DCC: variants seen among roughly 807,000 people sequenced by gnomAD.
DCC encodes netrin receptor DCC.
A neutral mutation model predicts 172.5 loss-of-function variants in DCC; 58 were observed. The ratio of observed to expected loss-of-function variants is 0.34; its 90% CI spans 0.27 to 0.42. The LOEUF is 0.42. Ranked by LOEUF, DCC falls within the 10% of genes least tolerant of loss-of-function variation. The pLI, the probability that DCC is intolerant of heterozygous loss-of-function variation, is 1.00. For missense variants in DCC, 1,740 were observed against 1,791.0 expected, an observed-to-expected ratio of 0.97 and a Z score of 0.51; for synonymous variants, 709 against 644.5, an observed-to-expected ratio of 1.10 and a Z score of -1.52.
chr18:52,911,118 G>A (rs2039965335), intron 3 of DCC, among the ~76,000 whole-genome samples: 1 of 152,016 alleles, frequency 6.6e-6, no homozygotes, highest in South Asian at 2.1e-4. Context: ...ATAGAATGTA[G>A]TTACATTATA....
At chr18:53,135,774 A>G (rs1477412939) in intron 7 of DCC, among the ~76,000 whole-genome samples, 1 of 152,164 alleles carries the variant, frequency 6.6e-6, no homozygotes, top group East Asian at 1.9e-4. Flanking sequence ...TTCCTAAGGG[A>G]ACATTTGAGA....
At chr18:53,091,299 GA>G (rs77140435) in intron 7 of DCC, among the ~76,000 whole-genome samples, 14,199 of 148,780 alleles carry the variant, frequency 0.095, 1,093 homozygotes, top group East Asian at 0.36. Context: ...AACATGAAAA[GA>G]AATATTTACT....
At chr18:53,090,481 C>G (rs1187811711) in intron 7 of DCC, among the ~76,000 whole-genome samples, 1 of 151,410 alleles carries the variant, frequency 6.6e-6, no homozygotes, top group East Asian at 2.0e-4. Flanking sequence ...ATCACGAGGT[C>G]AGGAGATTGA....
chr18:52,983,352 T>C (rs1236417464), intron 5 of DCC, among the ~76,000 whole-genome samples: 1 of 152,186 alleles, frequency 6.6e-6, no homozygotes, highest in Non-Finnish European at 1.5e-5. Context: ...AACATGCTAA[T>C]ATAAAAATCC....
intron 1 of DCC, among the ~76,000 whole-genome samples, chr18:52,390,326 T>C (rs1324417815): frequency 2.0e-5 from 3 of 152,044 alleles, no homozygotes; most frequent in African/African-American, 4.8e-5. Context: ...ATCCACAACC[T>C]TCTCATGCTG....
chr18:53,311,001 C>G (rs1218350107), intron 13 of DCC, among the ~76,000 whole-genome samples: 1 of 151,928 alleles, frequency 6.6e-6, no homozygotes, highest in Non-Finnish European at 1.5e-5. Flanking sequence ...GACACACACA[C>G]ACACACACAC....
At chr18:52,823,263 G>A (rs932435714) in intron 2 of DCC, among the ~76,000 whole-genome samples, 1 of 152,204 alleles carries the variant, frequency 6.6e-6, no homozygotes, top group East Asian at 1.9e-4. Flanking sequence ...GAGGCCAGGA[G>A]TTTGAGACCA....
At chr18:52,842,004 G>T (rs1026709884) in intron 2 of DCC, among the ~76,000 whole-genome samples, 10 of 25,946 alleles carry the variant, frequency 3.9e-4, no homozygotes, top group Non-Finnish European at 6.9e-4. Context: ...CAATTTTTGC[G>T]CATATATATA....
intron 1 of DCC, among the ~76,000 whole-genome samples, chr18:52,461,496 T>C (rs1408340009): frequency 1.3e-5 from 2 of 152,066 alleles, no homozygotes; most frequent in Admixed American, 1.3e-4. Context: ...TTATATACTC[T>C]ACATAATTGT....
chr18:52,595,125 C>T (rs943535937), intron 1 of DCC, among the ~76,000 whole-genome samples: 1 of 152,120 alleles, frequency 6.6e-6, no homozygotes, highest in Non-Finnish European at 1.5e-5. Context: ...TTGTACATCA[C>T]AAAAAAGTTA....
At chr18:52,719,834 G>T (rs557365041) in intron 1 of DCC, among the ~76,000 whole-genome samples, 5 of 152,158 alleles carry the variant, frequency 3.3e-5, no homozygotes, top group Non-Finnish European at 7.3e-5. Context: ...CAAGGGGCGG[G>T]ATGGAGGTCG....
chr18:53,442,469 G>A (rs1295867991), intron 22 of DCC, among the ~76,000 whole-genome samples: 8 of 152,136 alleles, frequency 5.3e-5, no homozygotes, highest in Admixed American at 2.0e-4. Context: ...ATAAACTGTT[G>A]TGTGTTCCAG....
At chr18:52,995,602 C>G (rs899961099) in intron 5 of DCC, among the ~76,000 whole-genome samples, 7 of 151,928 alleles carry the variant, frequency 4.6e-5, no homozygotes, top group Admixed American at 3.9e-4. Context: ...CAGAAGAAGA[C>G]CTAGGTGAAC....
intron 2 of DCC, among the ~76,000 whole-genome samples, chr18:52,819,635 T>A (rs2038367719): frequency 1.3e-5 from 2 of 152,172 alleles, no homozygotes; most frequent in African/African-American, 2.4e-5. Context: ...CAGACGTCAG[T>A]TGTTAGTGAG....
intron 13 of DCC, among the ~76,000 whole-genome samples, chr18:53,318,081 G>A (rs948866744): frequency 3.9e-5 from 6 of 152,008 alleles, no homozygotes; most frequent in East Asian, 1.9e-4. Flanking sequence ...TTAGGGTGTC[G>A]ATTTGAGATC....
At chr18:53,031,277 A>T (rs2042022290) in intron 5 of DCC, among the ~76,000 whole-genome samples, 1 of 152,158 alleles carries the variant, frequency 6.6e-6, no homozygotes, top group Non-Finnish European at 1.5e-5. Context: ...AAAATAAAAT[A>T]TTCTTTTCTG....
chr18:52,923,938 A>G, intron 4 of DCC, 81 bp downstream of exon 4: 2 of 1,017,250 alleles, frequency 2.0e-6, no homozygotes, highest in East Asian at 2.4e-5. Flanking sequence ...AATTTGATAT[A>G]AGTACCTACA....
intron 1 of DCC, among the ~76,000 whole-genome samples, chr18:52,602,228 T>G (rs920856434): frequency 2.0e-5 from 3 of 152,110 alleles, no homozygotes; most frequent in African/African-American, 7.2e-5. Context: ...AGAATGCTTT[T>G]GTAGGTATTA....
chr18:53,416,309 C>T (rs1177559259), intron 21 of DCC, 153 bp downstream of exon 21: 2 of 720,092 alleles, frequency 2.8e-6, no homozygotes, highest in Non-Finnish European at 5.0e-6. Flanking sequence ...TGAAGTTCTG[C>T]TTGGCTGAGG....
Sources: gnomAD v4.1 joint callset for allele counts (sites outside exome capture counted in the v4.1 genomes callset) on GRCh38, gnomAD v4.1.1 for gene constraint, MANE v1.5 for transcripts, NCBI Gene and HGNC (gene_info 2026-07-23, HGNC 2026-07-21) for gene names.